METTL9: variants seen among roughly 807,000 people sequenced by gnomAD.
The protein encoded by METTL9 is methyltransferase 9, His-X-His N1(pi)-histidine.
METTL9 carries 10 observed loss-of-function variants against 36.0 expected under a neutral mutation model. That is an observed-to-expected ratio of 0.28 (90% CI 0.17 to 0.47). METTL9 has a LOEUF of 0.47. METTL9 is among the 20% of genes least tolerant of loss of function. The probability of loss-of-function intolerance (pLI) is 0.99; values close to 1 mark genes in which losing one functional copy is unlikely to be tolerated. For synonymous variants in METTL9, 175 were observed against 149.7 expected (o/e 1.17, Z -1.23); for missense variants, 246 against 383.5 (o/e 0.64, Z 3.00).
intron 4 of METTL9, chr16:21,652,472 T>G: frequency 7.8e-7 from 1 of 1,288,038 alleles, no homozygotes; most frequent in South Asian, 1.3e-5. Flanking sequence ...ATAAATGCAT[T>G]AGGTGAAAAA....
At chr16:21,642,951 T>C in intron 4 of METTL9, 3 of 611,788 alleles carry the variant, frequency 4.9e-6, no homozygotes. Context: ...TACATTCTTG[T>C]GAAAGTTCTC....
chr16:21,625,287 G>A, intron 4 of METTL9, 172 bp downstream of exon 4: 1 of 707,378 alleles, frequency 1.4e-6, no homozygotes, highest in Non-Finnish European at 2.4e-6. Context: ...TCACCTTAAG[G>A]TGGACTTTAT....
At chr16:21,604,871 A>G (rs1391324176) in intron 1 of METTL9, among the ~76,000 whole-genome samples, 1 of 152,162 alleles carries the variant, frequency 6.6e-6, no homozygotes, top group African/African-American at 2.4e-5. Flanking sequence ...TCTTTTGAGA[A>G]TGGCTGGATG....
At chr16:21,616,794 A>G (rs1965564308) in intron 2 of METTL9, among the ~76,000 whole-genome samples, 1 of 152,056 alleles carries the variant, frequency 6.6e-6, no homozygotes, top group East Asian at 1.9e-4. Context: ...TTCCTGATCC[A>G]TGGTTTAGTT....
upstream of METTL9, among the ~76,000 whole-genome samples, chr16:21,598,599 A>C (rs1437692457): frequency 6.6e-6 from 1 of 152,168 alleles, no homozygotes; most frequent in Admixed American, 6.5e-5. Context: ...GTTACTCCTT[A>C]ATTGTGGCTT....
At chr16:21,643,670 C>A in intron 4 of METTL9, 1 of 971,860 alleles carries the variant, frequency 1.0e-6, no homozygotes, top group South Asian at 1.4e-5. Flanking sequence ...TATCTCATGC[C>A]CTAATAAGAT....
rs1966686101 is a variant in METTL9, at chr16:21,655,532, C to T, written c.*100C>T. ...TACGTGAAGGGAGGACCCTTGGGGA[C>T]CGCCATTCTAAATATCATGTAGGAA... is the stretch of plus-strand genomic sequence containing the variant. On this transcript the variant is annotated 3_prime_UTR_variant, in exon 5 of 5. Transcript: ENST00000358154. 1.0e-6 allele frequency: 1 copy of T among 975,578 alleles called. No individual in the cohort carries two copies. The highest frequency in any genetic ancestry group is 1.5e-6 in the Non-Finnish European group (1 of 653,542). The allele number at this position is 975,578 out of a possible 1,614,324, so 60.4% of individuals were successfully genotyped here. A position where few individuals can be genotyped will look rare whatever the true frequency, so the allele number is the denominator to read the frequency against.
rs1422266607 is a variant in METTL9, at chr16:21,641,578, T to C, written c.752-13649T>C. On this transcript the variant is annotated intron_variant, in intron 4 of 4. Transcript: ENST00000358154. ...GAAAGTACTCTTCTGTTTTCATAAG[T>C]GTTGTTATCTTTCTCCTGCAATAAT... The C allele has an allele frequency of 1.3e-6, 2 of 1,585,438 alleles. 1 individual carries two copies. The highest frequency in any genetic ancestry group is 2.2e-5 in the South Asian group (2 of 89,452).
chr16:21,655,755 G>T lies in METTL9; in HGVS notation c.*323G>T, dbSNP rs557107106. The T allele has an allele frequency of 8.2e-5, 19 of 230,880 alleles. No individual in the cohort carries two copies. The South Asian group carries it at 1.8e-3, about 21-fold the overall frequency. 14.3% of individuals were successfully genotyped at this position (230,880 alleles called of 1,614,324 possible). The stretch of plus-strand genomic sequence containing the variant: ...GGACTCATTCCCAGACAAAGCAATA[G>T]TCACGACTTCATGGAACCAATCAAT... On this transcript the variant is annotated 3_prime_UTR_variant, in exon 5 of 5. Coordinates refer to ENST00000358154, the MANE Select transcript of METTL9 (RefSeq NM_016025.5).
intron 4 of METTL9, among the ~76,000 whole-genome samples, chr16:21,644,979 A>G (rs1185215140): frequency 1.3e-5 from 2 of 152,178 alleles, no homozygotes; most frequent in Non-Finnish European, 2.9e-5. Context: ...AAAATTCTGG[A>G]AATAGAGTTA....
chr16:21,655,222 A>G lies in METTL9; in HGVS notation c.752-5A>G, dbSNP rs899606762. 1 of 1,611,460 alleles carries G rather than the reference A, an allele frequency of 6.2e-7. No homozygotes were observed. The highest frequency in any genetic ancestry group is 1.7e-5 in the Admixed American group (1 of 59,920). ...AATTTAACTGAATGTTCTTATTTGT[A>G]TTAGTAGGTGGCAAGTGGGAGAAAC... On this transcript the variant is annotated splice_region_variant and splice_polypyrimidine_tract_variant and intron_variant, in intron 4 of 4. Coordinates refer to ENST00000358154, the MANE Select transcript of METTL9 (RefSeq NM_016025.5).
intron 4 of METTL9, among the ~76,000 whole-genome samples, chr16:21,635,916 G>T (rs975558120): frequency 1.3e-5 from 2 of 152,204 alleles, no homozygotes; most frequent in Non-Finnish European, 2.9e-5. Flanking sequence ...ACTGAGGAAG[G>T]CCGGATTTAG....
chr16:21,628,079 T>C (rs922873356), intron 4 of METTL9, among the ~76,000 whole-genome samples: 7 of 152,238 alleles, frequency 4.6e-5, no homozygotes, highest in African/African-American at 1.7e-4. Flanking sequence ...AAAAAAATTA[T>C]ACAGGCAGTT....
rs2152894645 is a variant in METTL9 at position 21,617,801 on chromosome 16, G to A, written c.357-64G>A. 2.3e-6 allele frequency: 3 copies of A among 1,324,054 alleles called. No individual in the cohort carries two copies. The South Asian group carries it at 3.5e-5, about 16-fold the overall frequency. 82.0% of individuals were successfully genotyped at this position (1,324,054 alleles called of 1,614,324 possible). ...TGCTGAGTCACTATATTCACTTTGT[G>A]TGTGTATGTGAGGGGTGCTTAATTT... On this transcript the variant is annotated intron_variant, in intron 2 of 4. Coordinates refer to ENST00000358154, the MANE Select transcript of METTL9 (RefSeq NM_016025.5).
chr16:21,637,859 C>T (rs369949527), intron 4 of METTL9, among the ~76,000 whole-genome samples: 9 of 152,256 alleles, frequency 5.9e-5, no homozygotes, highest in African/African-American at 1.4e-4. Flanking sequence ...GAGCGGACAC[C>T]GAGGCCGAGG....
At chr16:21,597,718 G>C (rs1475217596), upstream of METTL9, among the ~76,000 whole-genome samples, 2 of 152,162 alleles carry the variant, frequency 1.3e-5, no homozygotes, top group South Asian at 2.1e-4. Flanking sequence ...AAAGATGAAG[G>C]CTTCCTTTTG....
At chr16:21,626,352 G>C (rs981596446) in intron 4 of METTL9, among the ~76,000 whole-genome samples, 4 of 152,152 alleles carry the variant, frequency 2.6e-5, no homozygotes, top group African/African-American at 7.2e-5. Flanking sequence ...AAGGAATAAT[G>C]CCCGTTTCAT....
At chr16:21,632,777 C>G (rs1318384987) in intron 4 of METTL9, among the ~76,000 whole-genome samples, 2 of 152,136 alleles carry the variant, frequency 1.3e-5, no homozygotes, top group African/African-American at 4.8e-5. Context: ...CCGCAACTAC[C>G]CGTAAACAGG....
chr16:21,630,346 T>A (rs1039279703), intron 4 of METTL9, among the ~76,000 whole-genome samples: 5 of 152,142 alleles, frequency 3.3e-5, no homozygotes, highest in African/African-American at 1.2e-4. Context: ...CACACCTCCC[T>A]GTGAGCAGAG....
Sources: gnomAD v4.1 joint callset for allele counts (sites outside exome capture counted in the v4.1 genomes callset) on GRCh38, gnomAD v4.1.1 for gene constraint, MANE v1.5 for transcripts, NCBI Gene and HGNC (gene_info 2026-07-23, HGNC 2026-07-21) for gene names.